DCAF1: variants seen among roughly 807,000 people sequenced by gnomAD.
The protein encoded by DCAF1 is DDB1 and CUL4 associated factor 1, also known as DDB1- and CUL4-associated factor 1.
Under a neutral mutation model 128.0 loss-of-function variants are expected in DCAF1, and 15 were observed. That is an observed-to-expected ratio of 0.12 (90% confidence interval 0.08 to 0.18). The LOEUF (loss-of-function observed/expected upper bound fraction) is 0.18, where lower values mean the gene tolerates loss of function less well. Ranked by LOEUF, DCAF1 falls within the 10% of genes least tolerant of loss-of-function variation. The pLI, the probability that DCAF1 is intolerant of heterozygous loss-of-function variation, is 1.00. For missense variants in DCAF1, 988 were observed against 1,649.5 expected (o/e 0.60, Z 6.95); for synonymous variants, 610 against 603.0 (o/e 1.01, Z -0.17).
At chr3:51,440,756 A>C (rs1701285814) in intron 9 of DCAF1, among the ~76,000 whole-genome samples, 2 of 151,948 alleles carry the variant, frequency 1.3e-5, no homozygotes, top group Admixed American at 1.3e-4. Context: ...AAATATAAAA[A>C]TCAGCCATGC....
At chr3:51,492,009 G>A (rs1339488850) in intron 2 of DCAF1, among the ~76,000 whole-genome samples, 2 of 151,022 alleles carry the variant, frequency 1.3e-5, no homozygotes, top group African/African-American at 4.9e-5. Context: ...ACAAGAAATT[G>A]GCCAGGTGTG....
intron 9 of DCAF1, among the ~76,000 whole-genome samples, chr3:51,439,416 A>C (rs1173859021): frequency 6.7e-6 from 1 of 149,332 alleles, no homozygotes; most frequent in Non-Finnish European, 1.5e-5. Context: ...GCGTGAGCTA[A>C]CGTGCCTGGC....
At chr3:51,424,806 T>G (rs1458271806) in intron 13 of DCAF1, among the ~76,000 whole-genome samples, 1 of 152,208 alleles carries the variant, frequency 6.6e-6, no homozygotes, top group Non-Finnish European at 1.5e-5. Context: ...TTATTATTTA[T>G]GAACACACAG....
chr3:51,456,024 G>A (rs988052861), intron 6 of DCAF1, among the ~76,000 whole-genome samples: 2 of 152,196 alleles, frequency 1.3e-5, no homozygotes, highest in African/African-American at 4.8e-5. Flanking sequence ...CTGAGCTACC[G>A]GGTTCATCTC....
At chr3:51,405,805 G>T (rs1553626429) in intron 23 of DCAF1, among the ~76,000 whole-genome samples, 1 of 152,086 alleles carries the variant, frequency 6.6e-6, no homozygotes, top group Non-Finnish European at 1.5e-5. Flanking sequence ...CTCTCCTTCA[G>T]ATCTAAAGAA....
intron 23 of DCAF1, among the ~76,000 whole-genome samples, chr3:51,410,246 T>C (rs1253450099): frequency 6.6e-6 from 1 of 152,242 alleles, no homozygotes; most frequent in East Asian, 1.9e-4. Flanking sequence ...CTCCTCACTC[T>C]GCTCAGAAGC....
intron 13 of DCAF1, among the ~76,000 whole-genome samples, chr3:51,426,657 G>A (rs1553634120): frequency 6.6e-6 from 1 of 152,042 alleles, no homozygotes; most frequent in Non-Finnish European, 1.5e-5. Context: ...AATAACACCT[G>A]CTCCAAGAGT....
intron 3 of DCAF1, among the ~76,000 whole-genome samples, chr3:51,473,696 G>A (rs1259384085): frequency 1.3e-5 from 2 of 151,716 alleles, no homozygotes; most frequent in Non-Finnish European, 2.9e-5. Context: ...AAAATTTTTT[G>A]TAGTTGGGGA....
chr3:51,459,489 C>T (rs1212939929), intron 6 of DCAF1, among the ~76,000 whole-genome samples: 1 of 152,168 alleles, frequency 6.6e-6, no homozygotes, highest in Non-Finnish European at 1.5e-5. Flanking sequence ...CAAAGAGGAG[C>T]TGGTACCATT....
chr3:51,502,145 T>C (rs1303730852), upstream of DCAF1, among the ~76,000 whole-genome samples: 2 of 152,154 alleles, frequency 1.3e-5, no homozygotes, highest in African/African-American at 2.4e-5. Flanking sequence ...CTCCGCTGGC[T>C]GGGGTCCTAA....
intron 24 of DCAF1, among the ~76,000 whole-genome samples, chr3:51,401,152 A>G (rs964515356): frequency 4.7e-5 from 7 of 148,060 alleles, no homozygotes; most frequent in Non-Finnish European, 1.0e-4. Context: ...AAAAAAAAAA[A>G]AGATCTCAGA....
At chr3:51,500,113 G>A (rs1233238570), upstream of DCAF1, 2 of 70,854 alleles carry the variant, frequency 2.8e-5, no homozygotes, top group East Asian at 4.4e-4. Flanking sequence ...CTGCACGATC[G>A]GGGAAAAAAA....
chr3:51,495,997 GA>G (rs1304757862), intron 2 of DCAF1, among the ~76,000 whole-genome samples: 132 of 138,074 alleles, frequency 9.6e-4, no homozygotes, highest in East Asian at 1.3e-3. Context: ...TTGTCTCAAG[GA>G]AAAAAAAAAA....
intron 10 of DCAF1, among the ~76,000 whole-genome samples, chr3:51,430,981 C>T (rs1331411378): frequency 4.6e-5 from 7 of 152,064 alleles, no homozygotes; most frequent in Admixed American, 6.6e-5. Context: ...ATGTATAACC[C>T]ACAGCCTGGG....
intron 2 of DCAF1, among the ~76,000 whole-genome samples, chr3:51,494,208 G>A (rs1435645471): frequency 2.7e-5 from 4 of 148,476 alleles, no homozygotes; most frequent in Admixed American, 6.8e-5. Flanking sequence ...TCCGCCTCCC[G>A]GGTTCATGCC....
chr3:51,482,581 A>G (rs999838854), intron 3 of DCAF1, among the ~76,000 whole-genome samples: 14 of 142,330 alleles, frequency 9.8e-5, no homozygotes, highest in Non-Finnish European at 2.0e-4. Flanking sequence ...GCTGGCCAAC[A>G]TGGTGAAACC....
intron 4 of DCAF1, among the ~76,000 whole-genome samples, chr3:51,467,633 G>A (rs2108146046): frequency 6.6e-6 from 1 of 151,836 alleles, no homozygotes; most frequent in Non-Finnish European, 1.5e-5. Context: ...ATGTACCCTA[G>A]AACTTAAAGT....
chr3:51,402,868 C>T (rs566560339), intron 24 of DCAF1, among the ~76,000 whole-genome samples: 5 of 152,222 alleles, frequency 3.3e-5, no homozygotes, highest in East Asian at 3.9e-4. Context: ...CCACCGTGCC[C>T]GGCTGCATAA....
intron 23 of DCAF1, among the ~76,000 whole-genome samples, chr3:51,404,137 G>A (rs2089942195): frequency 6.6e-6 from 1 of 152,202 alleles, no homozygotes; most frequent in African/African-American, 2.4e-5. Flanking sequence ...ACAGATTTCA[G>A]GTTTGCATTA....
Sources: gnomAD v4.1 joint callset for allele counts (sites outside exome capture counted in the v4.1 genomes callset) on GRCh38, gnomAD v4.1.1 for gene constraint, MANE v1.5 for transcripts, NCBI Gene and HGNC (gene_info 2026-07-23, HGNC 2026-07-21) for gene names.